CNTNAP2: variants seen among roughly 807,000 people sequenced by gnomAD.
CNTNAP2 encodes the protein contactin associated protein 2.
In CNTNAP2, 98 loss-of-function variants were observed where a neutral mutation model predicts 155.2. The ratio of observed to expected loss-of-function variants is 0.63; its 90% CI spans 0.54 to 0.75. The LOEUF (loss-of-function observed/expected upper bound fraction) is 0.75, where lower values mean the gene tolerates loss of function less well. CNTNAP2 is among the 30% of genes least tolerant of loss of function. The probability of loss-of-function intolerance (pLI) is 0.00; values close to 1 mark genes in which losing one functional copy is unlikely to be tolerated. For missense variants in CNTNAP2, 1,727 were observed against 1,688.1 expected (o/e 1.02, Z -0.40); for synonymous variants, 651 against 631.2 (o/e 1.03, Z -0.47).
chr7:146,581,267 G>T (rs1798606928), intron 1 of CNTNAP2, among the ~76,000 whole-genome samples: 1 of 152,000 alleles, frequency 6.6e-6, no homozygotes, highest in Admixed American at 6.6e-5. Context: ...TTTCCTACAG[G>T]TTATTATATG....
intron 13 of CNTNAP2, among the ~76,000 whole-genome samples, chr7:147,877,822 A>G (rs759179): frequency 0.57 from 86,683 of 151,990 alleles, 25,310 homozygotes; most frequent in African/African-American, 0.69. Context: ...GGTTCTGTAT[A>G]TTTAAGCTCT....
chr7:148,179,470 G>GCA (rs1315327881), intron 18 of CNTNAP2, among the ~76,000 whole-genome samples: 1 of 151,400 alleles, frequency 6.6e-6, no homozygotes, highest in African/African-American at 2.4e-5. Context: ...TTGTGCCACT[G>GCA]CACTTTAGCC....
intron 15 of CNTNAP2, among the ~76,000 whole-genome samples, chr7:148,038,151 T>A (rs1802605015): frequency 6.6e-6 from 1 of 152,220 alleles, no homozygotes; most frequent in Admixed American, 6.5e-5. Context: ...CCTTTCCATA[T>A]CTTCTTATTA....
chr7:147,422,509 A>G (rs963586327), intron 10 of CNTNAP2, among the ~76,000 whole-genome samples: 6 of 152,120 alleles, frequency 3.9e-5, no homozygotes, highest in Non-Finnish European at 8.8e-5. Context: ...TAATCATTCC[A>G]TAATGAAGCA....
intron 12 of CNTNAP2, among the ~76,000 whole-genome samples, chr7:147,589,829 C>A (rs1033143902): frequency 6.6e-5 from 10 of 152,078 alleles, no homozygotes; most frequent in Non-Finnish European, 1.5e-4. Flanking sequence ...TGGTATAACA[C>A]TATACAGTTA....
chr7:147,755,422 A>G (rs1797200311), intron 13 of CNTNAP2, among the ~76,000 whole-genome samples: 1 of 152,344 alleles, frequency 6.6e-6, no homozygotes, highest in South Asian at 2.1e-4. Context: ...TGGGATGCCA[A>G]GGCAGGCGGA....
At chr7:148,004,653 C>T (rs146934115) in intron 15 of CNTNAP2, among the ~76,000 whole-genome samples, 127 of 152,252 alleles carry the variant, frequency 8.3e-4, no homozygotes, top group African/African-American at 2.9e-3. Context: ...CTATTTAAAA[C>T]ATTATAAACA....
At chr7:147,623,740 TAAA>T (rs572447516) in intron 12 of CNTNAP2, among the ~76,000 whole-genome samples, 2 of 144,622 alleles carry the variant, frequency 1.4e-5, no homozygotes, top group Non-Finnish European at 3.0e-5. Flanking sequence ...TTCACAGAAA[TAAA>T]AAAAAAAATT....
At chr7:146,874,705 A>G (rs1359353296) in intron 3 of CNTNAP2, among the ~76,000 whole-genome samples, 4 of 152,272 alleles carry the variant, frequency 2.6e-5, no homozygotes, top group African/African-American at 9.6e-5. Flanking sequence ...AATTGCAGCT[A>G]TACTTCAGTT....
At chr7:148,158,008 C>A (rs778677094) in intron 17 of CNTNAP2, among the ~76,000 whole-genome samples, 1 of 152,110 alleles carries the variant, frequency 6.6e-6, no homozygotes, top group Admixed American at 6.6e-5. Flanking sequence ...GCTGGGCCAC[C>A]ACGCTCAGTC....
intron 1 of CNTNAP2, among the ~76,000 whole-genome samples, chr7:146,622,882 G>A (rs957906397): frequency 2.0e-5 from 3 of 151,294 alleles, no homozygotes; most frequent in South Asian, 2.1e-4. Flanking sequence ...GCTTGAACTC[G>A]GCCAGCGGAG....
At chr7:146,129,662 T>C (rs1797687148) in intron 1 of CNTNAP2, among the ~76,000 whole-genome samples, 1 of 152,208 alleles carries the variant, frequency 6.6e-6, no homozygotes, top group African/African-American at 2.4e-5. Context: ...ACATAACACA[T>C]TCAGTTTTCT....
chr7:146,475,013 G>GCACA (rs60787049), intron 1 of CNTNAP2, among the ~76,000 whole-genome samples: 4,029 of 144,340 alleles, frequency 0.028, 89 homozygotes, highest in East Asian at 0.1. Context: ...GCGCGCGCGC[G>GCACA]CACACACACA....
chr7:146,572,913 G>A (rs1319777245), intron 1 of CNTNAP2, among the ~76,000 whole-genome samples: 1 of 152,078 alleles, frequency 6.6e-6, no homozygotes, highest in Non-Finnish European at 1.5e-5. Flanking sequence ...GTATGGAAAA[G>A]AAAGAAAGGA....
chr7:146,717,099 G>A (rs1801201893), intron 1 of CNTNAP2, among the ~76,000 whole-genome samples: 1 of 152,070 alleles, frequency 6.6e-6, no homozygotes. Flanking sequence ...ATTTCCTTAA[G>A]AGAGGTTATA....
At chr7:146,618,021 T>C (rs1404614811) in intron 1 of CNTNAP2, among the ~76,000 whole-genome samples, 1 of 152,028 alleles carries the variant, frequency 6.6e-6, no homozygotes, top group East Asian at 1.9e-4. Flanking sequence ...GGGTTAATTT[T>C]TTAAAAAAAG....
intron 11 of CNTNAP2, among the ~76,000 whole-genome samples, chr7:147,517,441 A>G (rs1019351264): frequency 6.6e-6 from 1 of 152,208 alleles, no homozygotes; most frequent in African/African-American, 2.4e-5. Flanking sequence ...CCGAACGTCA[A>G]CTTCATTACA....
chr7:146,905,177 C>T lies in CNTNAP2; in HGVS notation c.402+65273C>T, dbSNP rs75631867. Among the ~76,000 whole-genome samples, 491 of 151,988 alleles carry T rather than the reference C, an allele frequency of 3.2e-3. 7 individuals carry two copies. In the East Asian group the frequency reaches 0.043, roughly 13 times the overall value. Reference sequence around the variant, plus strand: ...GTGACAATCAAAAATGTCTCCTGAACTTATCAAAAGTTCCCTGGAGTCGGG... The same window carrying T: ...GTGACAATCAAAAATGTCTCCTGAATTTATCAAAAGTTCCCTGGAGTCGGG... On this transcript the variant is annotated intron_variant, in intron 3 of 23. Transcript: ENST00000361727.
chr7:147,494,496 C>T (rs4726877), intron 11 of CNTNAP2, among the ~76,000 whole-genome samples: 40,011 of 142,224 alleles, frequency 0.28, 5,745 homozygotes, highest in East Asian at 0.42. Flanking sequence ...AGTTGATCTG[C>T]AAATGCATAT....
Sources: allele counts gnomAD v4.1 joint callset (sites outside exome capture counted in the v4.1 genomes callset), GRCh38; gene constraint gnomAD v4.1.1; transcripts MANE v1.5; gene names NCBI Gene and HGNC (gene_info 2026-07-23, HGNC 2026-07-21).